Variants in PTPRD observed in about 807,000 individuals in gnomAD.
PTPRD encodes the protein receptor-type tyrosine-protein phosphatase delta.
In PTPRD, 34 loss-of-function variants were observed where a neutral mutation model predicts 214.5. The observed-to-expected ratio is 0.16, with a 90% confidence interval of 0.12 to 0.21. The LOEUF is 0.21. Among genes scored for constraint, PTPRD ranks in the 10% least tolerant of loss-of-function variants. The probability of loss-of-function intolerance (pLI) is 1.00; values close to 1 mark genes in which losing one functional copy is unlikely to be tolerated. For missense variants in PTPRD, 2,545 were observed against 2,398.7 expected (o/e 1.06, Z -1.27); for synonymous variants, 1,128 against 845.7 (o/e 1.33, Z -5.79).
chr9:9,172,786 A>G (rs1417568473), intron 10 of PTPRD, among the ~76,000 whole-genome samples: 1 of 152,010 alleles, frequency 6.6e-6, no homozygotes, highest in East Asian at 1.9e-4. Flanking sequence ...CTGACTCCCA[A>G]AGCCATCATC....
At chr9:10,313,369 G>A (rs1380902742) in intron 3 of PTPRD, among the ~76,000 whole-genome samples, 1 of 136,516 alleles carries the variant, frequency 7.3e-6, no homozygotes, top group Non-Finnish European at 1.5e-5. Context: ...TACAAAGACA[G>A]CAGACATGGT....
rs186661909 is a variant in PTPRD at position 8,677,386 on chromosome 9, G to A, written c.65-40542C>T. On this transcript the variant is annotated intron_variant, in intron 12 of 45. Coordinates refer to ENST00000381196, the MANE Select transcript of PTPRD (RefSeq NM_002839.4). ...CCTTTGCAGTAACACAGATGGAGTG[G>A]GAGGCCATTATCCCAAGTGAACTAA... Among the ~76,000 whole-genome samples, 13 of 152,212 alleles carry A rather than the reference G, an allele frequency of 8.5e-5. No individual in the cohort carries two copies. The East Asian group carries it at 2.3e-3, about 27-fold the overall frequency.
chr9:10,318,637 G>C (rs2096491294), intron 3 of PTPRD, among the ~76,000 whole-genome samples: 1 of 151,940 alleles, frequency 6.6e-6, no homozygotes, highest in African/African-American at 2.4e-5. Context: ...TTTTGAGACA[G>C]GGTCTCACTC....
chr9:10,114,582 G>GTA (rs1233859302), intron 3 of PTPRD, among the ~76,000 whole-genome samples: 25 of 151,552 alleles, frequency 1.6e-4, no homozygotes, highest in South Asian at 2.1e-4. Flanking sequence ...TTATATAGGT[G>GTA]TATATATATA....
At chr9:9,533,971 C>A (rs974254155) in intron 8 of PTPRD, among the ~76,000 whole-genome samples, 1 of 151,954 alleles carries the variant, frequency 6.6e-6, no homozygotes, top group Non-Finnish European at 1.5e-5. Context: ...GTGTCAAGCT[C>A]ATTTAAAAAA....
At chr9:8,588,816 T>C (rs2093875409) in intron 14 of PTPRD, among the ~76,000 whole-genome samples, 1 of 152,160 alleles carries the variant, frequency 6.6e-6, no homozygotes, top group South Asian at 2.1e-4. Flanking sequence ...ATAACCCTCA[T>C]TCTTCTTCAG....
intron 3 of PTPRD, among the ~76,000 whole-genome samples, chr9:10,249,956 C>T (rs1230784213): frequency 1.3e-5 from 2 of 152,016 alleles, no homozygotes; most frequent in African/African-American, 4.8e-5. Flanking sequence ...CATACATCTG[C>T]CAATTAATAA....
intron 9 of PTPRD, among the ~76,000 whole-genome samples, chr9:9,242,265 G>A (rs1232803509): frequency 6.6e-6 from 1 of 152,038 alleles, no homozygotes; most frequent in Non-Finnish European, 1.5e-5. Flanking sequence ...TTTCTCTCTG[G>A]CTGCCCTTAA....
Position 9,484,023 on chromosome 9 carries a change from T to C in PTPRD, c.-236-86541A>G, listed in dbSNP as rs2095525748. Among the ~76,000 whole-genome samples, 4 of 151,974 alleles carry C rather than the reference T, an allele frequency of 2.6e-5. No individual in the cohort carries two copies. The South Asian group carries it at 6.2e-4, about 24-fold the overall frequency. On this transcript the variant is annotated intron_variant, in intron 8 of 45. Transcript: ENST00000381196. ...TATTTTACTATCTTCTATAGGTGACTCATCTTTGTATCCTTTTTATAAACT... is the reference window on the plus strand; with the variant it reads ...TATTTTACTATCTTCTATAGGTGACCCATCTTTGTATCCTTTTTATAAACT...
intron 5 of PTPRD, among the ~76,000 whole-genome samples, chr9:9,920,811 G>C (rs2082333619): frequency 6.6e-6 from 1 of 152,084 alleles, no homozygotes; most frequent in East Asian, 1.9e-4. Flanking sequence ...TTTAAAAACT[G>C]AGTAGAGAAG....
At chr9:10,042,522 TG>T (rs2097314868) in intron 3 of PTPRD, among the ~76,000 whole-genome samples, 1 of 151,900 alleles carries the variant, frequency 6.6e-6, no homozygotes, top group Admixed American at 6.6e-5. Context: ...TATTGCCATA[TG>T]CTGGGATCCT....
chr9:8,344,944 G>A (rs536501437), intron 39 of PTPRD, among the ~76,000 whole-genome samples: 1 of 141,578 alleles, frequency 7.1e-6, no homozygotes, highest in Non-Finnish European at 1.6e-5. Flanking sequence ...TTACTTTCTA[G>A]GTACAAACTC....
chr9:10,228,522 T>C (rs1306573783), intron 3 of PTPRD, among the ~76,000 whole-genome samples: 2 of 151,872 alleles, frequency 1.3e-5, no homozygotes, highest in African/African-American at 2.4e-5. Context: ...AGGTAGAAAA[T>C]GACTTTTCGA....
At chr9:8,492,440 GC>G (rs1192708253) in intron 27 of PTPRD, among the ~76,000 whole-genome samples, 5 of 151,846 alleles carry the variant, frequency 3.3e-5, no homozygotes, top group African/African-American at 1.2e-4. Context: ...TTGCCTATAC[GC>G]TTTTACTTTT....
At chr9:8,532,890 A>G (rs2076070530) in intron 14 of PTPRD, among the ~76,000 whole-genome samples, 1 of 152,106 alleles carries the variant, frequency 6.6e-6, no homozygotes, top group Non-Finnish European at 1.5e-5. Flanking sequence ...CAAAACTTTC[A>G]GTTCCATTAA....
intron 11 of PTPRD, among the ~76,000 whole-genome samples, chr9:8,771,961 G>A (rs1165399671): frequency 6.6e-6 from 1 of 151,918 alleles, no homozygotes; most frequent in Admixed American, 6.6e-5. Context: ...ATATCAGACT[G>A]TAAGAATAAT....
intron 9 of PTPRD, among the ~76,000 whole-genome samples, chr9:9,260,405 G>A (rs548202381): frequency 2.0e-5 from 3 of 151,826 alleles, no homozygotes; most frequent in South Asian, 4.2e-4. Flanking sequence ...TCTACCTCTG[G>A]GAAACAACTT....
In PTPRD at chr9:8,317,176, G is replaced by T. The variant is rs1361295214; in HGVS notation, c.*698C>A. ...CACAAAAATGTGCAAATTTTCAAAT[G>T]ATTTGATATTTCTACAGCAAGATAT... On this transcript the variant is annotated 3_prime_UTR_variant, in exon 46 of 46. Transcript: ENST00000381196. 1 of 231,698 alleles carries T rather than the reference G, an allele frequency of 4.3e-6. No individual in the cohort carries two copies. The highest frequency in any genetic ancestry group is 2.2e-5 in the African/African-American group (1 of 45,174). The allele number at this position is 231,698 out of a possible 1,614,324, so 14.4% of individuals were successfully genotyped here.
chr9:9,930,032 C>G (rs952133069), intron 5 of PTPRD, among the ~76,000 whole-genome samples: 3 of 152,048 alleles, frequency 2.0e-5, no homozygotes, highest in Admixed American at 1.3e-4. Context: ...GGAAACAAAA[C>G]AAAACAAAAC....
Sources: gnomAD v4.1 joint callset for allele counts (sites outside exome capture counted in the v4.1 genomes callset) on GRCh38, gnomAD v4.1.1 for gene constraint, MANE v1.5 for transcripts, NCBI Gene and HGNC (gene_info 2026-07-23, HGNC 2026-07-21) for gene names.